The following NCKAP5 variants were observed in gnomAD, a reference collection of about 807,000 sequenced individuals.
NCKAP5 encodes NCK associated protein 5.
Under a neutral mutation model 167.0 loss-of-function variants are expected in NCKAP5, and 92 were observed. That is an observed-to-expected ratio of 0.55 (90% CI 0.47 to 0.66). The LOEUF is 0.66. Among genes scored for constraint, NCKAP5 ranks in the 30% least tolerant of loss-of-function variants. NCKAP5 has a pLI of 0.00. For synonymous variants in NCKAP5, 891 were observed against 877.4 expected, an observed-to-expected ratio of 1.02 and a Z score of -0.27; for missense variants, 2,378 against 2,315.0, an observed-to-expected ratio of 1.03 and a Z score of -0.56.
chr2:133,196,543 C>T (rs550761503), intron 5 of NCKAP5, among the ~76,000 whole-genome samples: 16 of 152,288 alleles, frequency 1.1e-4, no homozygotes, highest in Admixed American at 2.0e-4. Flanking sequence ...TACCACAGAA[C>T]ACAAATATAA....
chr2:133,310,367 C>T (rs1681148015), intron 3 of NCKAP5, among the ~76,000 whole-genome samples: 1 of 152,212 alleles, frequency 6.6e-6, no homozygotes, highest in Admixed American at 6.5e-5. Flanking sequence ...TTCCCATTGC[C>T]TCCTCAAACA....
chr2:133,093,559 A>G (rs2081256247), intron 6 of NCKAP5, among the ~76,000 whole-genome samples: 1 of 152,208 alleles, frequency 6.6e-6, no homozygotes, highest in African/African-American at 2.4e-5. Flanking sequence ...ACATCATGAC[A>G]TCTAATGATG....
chr2:133,547,298 GGGAGGGGCACCCGCCATT>G (rs1686807274), intron 2 of NCKAP5, among the ~76,000 whole-genome samples: 1 of 152,234 alleles, frequency 6.6e-6, no homozygotes, highest in Non-Finnish European at 1.5e-5. Flanking sequence ...GAGAGGCTGG[GGGAGGGGCACCCGCCATT>G]GCCCAGCCTT....
intron 6 of NCKAP5, chr2:133,122,240 A>G (rs1475520113): frequency 6.6e-6 from 1 of 152,258 alleles, no homozygotes; most frequent in African/African-American, 2.4e-5. Context: ...CCAAAAAATA[A>G]AACATTTATT....
intron 1 of NCKAP5, among the ~76,000 whole-genome samples, chr2:133,562,020 T>C (rs533811808): frequency 2.6e-5 from 4 of 152,212 alleles, no homozygotes; most frequent in African/African-American, 9.6e-5. Flanking sequence ...TATAATTATA[T>C]TGAAGAATAG....
the NCKAP5 span, among the ~76,000 whole-genome samples, chr2:133,659,551 T>C: frequency 6.6e-6 from 1 of 152,062 alleles, no homozygotes; most frequent in Admixed American, 6.5e-5. Context: ...ATCAAGAACA[T>C]GAAAAGACAA....
chr2:133,046,605 C>T (rs1448325828), intron 6 of NCKAP5, among the ~76,000 whole-genome samples: 2 of 152,032 alleles, frequency 1.3e-5, no homozygotes, highest in African/African-American at 2.4e-5. Context: ...TCTCAAAATC[C>T]TGGGCTCATG....
At chr2:133,474,112 A>ATATCTATC (rs10668136) in intron 3 of NCKAP5, among the ~76,000 whole-genome samples, 31,905 of 137,686 alleles carry the variant, frequency 0.23, 3,822 homozygotes, top group Non-Finnish European at 0.26. Flanking sequence ...AGAAAATGTG[A>ATATCTATC]TATCTATCTA....
At chr2:133,339,087 A>C (rs549740217) in intron 3 of NCKAP5, among the ~76,000 whole-genome samples, 6 of 152,296 alleles carry the variant, frequency 3.9e-5, no homozygotes, top group Middle Eastern at 3.4e-3. Context: ...CCTTATAATC[A>C]GTTATGTGCA....
rs536327901 is a variant in NCKAP5, at chr2:133,462,220, G to T, written c.69+55238C>A. ...TCAATTCCAGCTCTCATCATTCTGA[G>T]ATTGCATCCCTTTTGGGTCTCACCT... On this transcript the variant is annotated intron_variant, in intron 3 of 19. Coordinates refer to ENST00000409261, the MANE Select transcript of NCKAP5 (RefSeq NM_207363.3). 8.1e-4 allele frequency among the ~76,000 whole-genome samples: 123 copies of T among 152,276 alleles called. 1 individual carries two copies. The Middle Eastern group carries it at 0.017, about 21-fold the overall frequency.
intron 16 of NCKAP5, among the ~76,000 whole-genome samples, chr2:132,755,446 C>T (rs73957654): frequency 0.03 from 4,493 of 152,204 alleles, 227 homozygotes; most frequent in African/African-American, 0.1. Context: ...TGGTGAATTA[C>T]GGGCAAGGCA....
intron 3 of NCKAP5, among the ~76,000 whole-genome samples, chr2:133,371,659 C>T (rs1237759583): frequency 7.2e-5 from 11 of 152,160 alleles, no homozygotes; most frequent in Non-Finnish European, 1.3e-4. Context: ...AAAGTTTGTA[C>T]ATCCTCTGTT....
intron 11 of NCKAP5, among the ~76,000 whole-genome samples, chr2:132,848,408 T>C (rs1688826848): frequency 6.6e-6 from 1 of 152,186 alleles, no homozygotes; most frequent in African/African-American, 2.4e-5. Flanking sequence ...ACTCATATCA[T>C]TATGAGATCT....
intron 11 of NCKAP5, among the ~76,000 whole-genome samples, chr2:132,800,336 C>A (rs10200933): frequency 2.3e-3 from 349 of 152,278 alleles, no homozygotes; most frequent in Non-Finnish European, 4.1e-3. Flanking sequence ...ACCTGCAAAT[C>A]CCAATGAATT....
chr2:133,012,449 C>T (rs377742662), intron 6 of NCKAP5, among the ~76,000 whole-genome samples: 1 of 152,094 alleles, frequency 6.6e-6, no homozygotes, highest in Non-Finnish European at 1.5e-5. Context: ...GGGGTTTCAC[C>T]GTGTTAGCCA....
intron 8 of NCKAP5, among the ~76,000 whole-genome samples, chr2:132,947,368 T>G (rs1006766055): frequency 6.6e-6 from 1 of 152,198 alleles, no homozygotes; most frequent in Non-Finnish European, 1.5e-5. Flanking sequence ...ATAGAGTAAA[T>G]GGAAACTAGC....
chr2:132,773,793 C>T lies in NCKAP5; in HGVS notation c.5128+23G>A, dbSNP rs749314001. The T allele has an allele frequency of 1.7e-5, 27 of 1,572,202 alleles. No homozygotes were observed. The South Asian group carries it at 2.5e-4, about 14-fold the overall frequency. On this transcript the variant is annotated intron_variant, in intron 16 of 19. Coordinates refer to ENST00000409261, the MANE Select transcript of NCKAP5 (RefSeq NM_207363.3). ...ATTTAGAATAAGTCTCCATAAAAGA[C>T]ATATGAATATGTGAATTTTTACCTA...
intron 4 of NCKAP5, among the ~76,000 whole-genome samples, chr2:133,244,084 A>T (rs1415722739): frequency 6.6e-6 from 1 of 152,220 alleles, no homozygotes; most frequent in Admixed American, 6.5e-5. Context: ...TTCAAAACAG[A>T]ATCATCTCCA....
intron 8 of NCKAP5, among the ~76,000 whole-genome samples, chr2:132,934,777 G>C (rs1696715463): frequency 6.6e-6 from 1 of 152,180 alleles, no homozygotes; most frequent in Non-Finnish European, 1.5e-5. Flanking sequence ...AGTTGTAAAT[G>C]TTACCTAATG....
Sources: allele counts gnomAD v4.1 joint callset (sites outside exome capture counted in the v4.1 genomes callset), GRCh38; gene constraint gnomAD v4.1.1; transcripts MANE v1.5; gene names NCBI Gene and HGNC (gene_info 2026-07-23, HGNC 2026-07-21).